PI4KA: variants seen among roughly 807,000 people sequenced by gnomAD.
PI4KA encodes the protein phosphatidylinositol 4-kinase alpha.
PI4KA carries 122 observed loss-of-function variants against 271.4 expected under a neutral mutation model. The observed-to-expected ratio is 0.45, with a 90% CI of 0.39 to 0.52. The LOEUF (loss-of-function observed/expected upper bound fraction) is 0.52, where lower values mean the gene tolerates loss of function less well. Among genes scored for constraint, PI4KA ranks in the 20% least tolerant of loss-of-function variants. The pLI is 0.00. For synonymous variants in PI4KA, 1,041 were observed against 1,078.8 expected (o/e 0.96, Z 0.69); for missense variants, 1,969 against 2,769.1 (o/e 0.71, Z 6.48).
intron 1 of PI4KA, among the ~76,000 whole-genome samples, chr22:20,855,955 C>T (rs983143848): frequency 1.3e-5 from 2 of 152,172 alleles, no homozygotes; most frequent in Non-Finnish European, 2.9e-5. Context: ...AACAGCAGCC[C>T]CAGTGCTGCT....
chr22:20,786,713 A>C (rs568614527), intron 19 of PI4KA, among the ~76,000 whole-genome samples: 7 of 152,128 alleles, frequency 4.6e-5, no homozygotes, highest in African/African-American at 1.7e-4. Flanking sequence ...GCTGCCCCTG[A>C]CAGGTGGTGA....
intron 5 of PI4KA, 52 bp downstream of exon 5, chr22:20,820,487 G>C: frequency 8.5e-7 from 1 of 1,175,562 alleles, no homozygotes. Context: ...GAAAAGCAAG[G>C]GAAAGAGTAA....
chr22:20,857,880 G>C (rs1338980421), intron 1 of PI4KA, among the ~76,000 whole-genome samples: 22 of 152,146 alleles, frequency 1.4e-4, no homozygotes, highest in Admixed American at 1.4e-3. Context: ...GATGAGGATT[G>C]CTCTGGCATG....
chr22:20,759,026 C>T (rs1386696763), intron 23 of PI4KA, among the ~76,000 whole-genome samples: 2 of 152,180 alleles, frequency 1.3e-5, no homozygotes, highest in Non-Finnish European at 2.9e-5. Context: ...GAAGCAGTAT[C>T]TCAGAGCCCC....
At chr22:20,841,767 G>C (rs1925582935) in intron 1 of PI4KA, among the ~76,000 whole-genome samples, 1 of 152,152 alleles carries the variant, frequency 6.6e-6, no homozygotes, top group Admixed American at 6.5e-5. Context: ...GATAGGCCCA[G>C]GGCAATCACA....
At chr22:20,752,006 A>C (rs1216015757) in intron 25 of PI4KA, among the ~76,000 whole-genome samples, 1 of 152,150 alleles carries the variant, frequency 6.6e-6, no homozygotes, top group Non-Finnish European at 1.5e-5. Flanking sequence ...CCTGACACCA[A>C]CTGCCTTGGT....
intron 17 of PI4KA, 73 bp downstream of exon 17, chr22:20,798,511 A>G: frequency 2.1e-6 from 2 of 946,536 alleles, no homozygotes; most frequent in Non-Finnish European, 1.7e-6. Flanking sequence ...TAAGAGACAA[A>G]TTCACAAACC....
At chr22:20,857,784 G>A (rs1398269907) in intron 1 of PI4KA, among the ~76,000 whole-genome samples, 1 of 152,150 alleles carries the variant, frequency 6.6e-6, no homozygotes, top group Admixed American at 6.6e-5. Flanking sequence ...TGCCAGTGCA[G>A]GGAACAAATT....
intron 32 of PI4KA, 57 bp from the exon 33 acceptor site, chr22:20,734,610 C>G: frequency 1.4e-6 from 2 of 1,479,980 alleles, no homozygotes; most frequent in Non-Finnish European, 1.8e-6. Flanking sequence ...GGGCTACTGT[C>G]AAGTTTTCTC....
intron 3 of PI4KA, among the ~76,000 whole-genome samples, chr22:20,830,492 G>T (rs1924014014): frequency 6.6e-6 from 1 of 151,970 alleles, no homozygotes; most frequent in Non-Finnish European, 1.5e-5. Context: ...TTTTCCATTT[G>T]CTTGGCAGAT....
intron 3 of PI4KA, among the ~76,000 whole-genome samples, chr22:20,825,721 A>G (rs950731502): frequency 6.6e-6 from 1 of 152,212 alleles, no homozygotes; most frequent in Non-Finnish European, 1.5e-5. Context: ...TACTGGCACA[A>G]ACAGAATGTT....
At chr22:20,722,447 A>G (rs1008217096) in intron 42 of PI4KA, among the ~76,000 whole-genome samples, 4 of 152,224 alleles carry the variant, frequency 2.6e-5, no homozygotes, top group Middle Eastern at 3.4e-3. Context: ...TCAACCTCCC[A>G]AAGTGCTGGA....
chr22:20,786,265 G>A (rs909920211), intron 19 of PI4KA: 24 of 1,188,760 alleles, frequency 2.0e-5, no homozygotes, highest in African/African-American at 2.0e-4. Context: ...GGGGTGCTGA[G>A]TCTGCTCTTC....
intron 11 of PI4KA, 62 bp from the exon 12 acceptor site, chr22:20,804,462 TA>T: frequency 9.0e-7 from 1 of 1,116,466 alleles, no homozygotes; most frequent in East Asian, 2.3e-5. Context: ...CTAACACACT[TA>T]TCCACCAAGT....
At chr22:20,849,356 A>G (rs1335045087) in intron 1 of PI4KA, among the ~76,000 whole-genome samples, 1 of 152,238 alleles carries the variant, frequency 6.6e-6, no homozygotes, top group East Asian at 1.9e-4. Context: ...AAGACCCAAG[A>G]GAAATGAAAA....
rs111586955 is a variant in PI4KA, at chr22:20,843,569, A to G, written c.157-4838T>C. ...GTTCATGTGCTGCACTGATATGCTTACCTGAACTGCAGGCCTAAGGATCAC... is the reference window on the plus strand; with the variant it reads ...GTTCATGTGCTGCACTGATATGCTTGCCTGAACTGCAGGCCTAAGGATCAC... On this transcript the variant is annotated intron_variant, in intron 1 of 54. Transcript: ENST00000255882. Among the ~76,000 whole-genome samples, 77 of 152,350 alleles carry G rather than the reference A, an allele frequency of 5.1e-4. No homozygotes were observed. The East Asian group carries it at 6.0e-3, about 12-fold the overall frequency.
chr22:20,795,263 T>C lies in PI4KA; in HGVS notation c.2277+883A>G, dbSNP rs112780525. Among the ~76,000 whole-genome samples, 1,232 of 152,086 alleles carry C rather than the reference T, an allele frequency of 8.1e-3. 19 individuals are homozygous for C. Among genetic ancestry groups the C allele is most frequent in the African/African-American group, 0.028 (1,175 of 41,474 alleles). ...TGTTATCAACACCAACTCATATTCCTTTCCTTATTTAAAAAAAAAAACTTT... is the reference window on the plus strand; with the variant it reads ...TGTTATCAACACCAACTCATATTCCCTTCCTTATTTAAAAAAAAAAACTTT... On this transcript the variant is annotated intron_variant, in intron 18 of 54. Coordinates refer to ENST00000255882, the MANE Select transcript of PI4KA (RefSeq NM_058004.4).
chr22:20,842,726 T>C (rs1925707336), intron 1 of PI4KA, among the ~76,000 whole-genome samples: 1 of 151,774 alleles, frequency 6.6e-6, no homozygotes, highest in African/African-American at 2.4e-5. Flanking sequence ...GGCACAAGAA[T>C]TGCTTGAACC....
At chr22:20,733,970 C>T (rs1225038877) in intron 34 of PI4KA, 73 bp downstream of exon 34, 48 of 1,520,294 alleles carry the variant, frequency 3.2e-5, no homozygotes, top group Admixed American at 4.2e-5. Context: ...ACAGAAGTAC[C>T]GTGATACACA....
Sources: gnomAD v4.1 joint callset for allele counts (sites outside exome capture counted in the v4.1 genomes callset) on GRCh38, gnomAD v4.1.1 for gene constraint, MANE v1.5 for transcripts, NCBI Gene and HGNC (gene_info 2026-07-23, HGNC 2026-07-21) for gene names.